The following TEX11 variants were observed in gnomAD, a reference collection of about 807,000 sequenced individuals.
The protein encoded by TEX11 is testis-expressed protein 11.
TEX11 carries 7 observed loss-of-function variants against 84.4 expected under a neutral mutation model. The observed-to-expected ratio is 0.08, with a 90% CI of 0.05 to 0.16. The LOEUF is 0.16. TEX11 is among the 10% of genes least tolerant of loss of function. The pLI, the probability that TEX11 is intolerant of heterozygous loss-of-function variation, is 1.00. For missense variants in TEX11, 551 were observed against 660.5 expected (o/e 0.83, Z 1.82); for synonymous variants, 264 against 222.8 (o/e 1.18, Z -1.64).
At chrX:70,869,462 G>T (rs950841403) in intron 4 of TEX11, among the ~76,000 whole-genome samples, 1 of 111,534 alleles carries the variant, frequency 9.0e-6, no homozygotes, top group African/African-American at 3.3e-5. Context: ...AATCTGTTTT[G>T]CATCCTTACC....
chrX:70,684,992 C>A (rs1486700396), intron 13 of TEX11, among the ~76,000 whole-genome samples: 6 of 111,632 alleles, frequency 5.4e-5, no homozygotes, highest in South Asian at 3.8e-4. Flanking sequence ...CAGAAAAAAA[C>A]CCCAAAAAAC....
chrX:70,709,798 C>T (rs986363741), intron 13 of TEX11, among the ~76,000 whole-genome samples: 1 of 110,985 alleles, frequency 9.0e-6, no homozygotes, highest in Non-Finnish European at 1.9e-5. Flanking sequence ...AGATGCAAGG[C>T]TTTCTGGTCT....
intron 2 of TEX11, among the ~76,000 whole-genome samples, chrX:70,897,805 C>T (rs2091781749): frequency 9.0e-6 from 1 of 111,530 alleles, no homozygotes. Context: ...CTTTGTTAAG[C>T]ACCAAAGATA....
In TEX11 at chrX:70,553,501, T is replaced by C. The variant is rs2088247113; in HGVS notation, c.2291-87A>G. ...CCAGGCTACCACTTGCTTTCTCTAATGAAACTGGGCTGAAACAGATGAACA... is the reference window on the plus strand; with the variant it reads ...CCAGGCTACCACTTGCTTTCTCTAACGAAACTGGGCTGAAACAGATGAACA... On this transcript the variant is annotated intron_variant, in intron 26 of 29. Coordinates refer to ENST00000374333, the MANE Select transcript of TEX11 (RefSeq NM_031276.3). 7.4e-6 allele frequency: 4 copies of C among 537,390 alleles called. No individual in the cohort carries two copies. In the East Asian group the frequency reaches 1.5e-4, roughly 20 times the overall value. The allele number at this position is 537,390 out of a possible 1,213,427, so 44.3% of individuals were successfully genotyped here. A position where few individuals can be genotyped will look rare whatever the true frequency, so the allele number is the denominator to read the frequency against.
intron 9 of TEX11, among the ~76,000 whole-genome samples, chrX:70,762,571 T>C (rs1057362308): frequency 1.8e-5 from 2 of 110,311 alleles, no homozygotes; most frequent in African/African-American, 6.6e-5. Context: ...ATGCAAGGGA[T>C]CTAGGCTGCA....
chrX:70,758,052 T>G (rs1319951455), intron 9 of TEX11, among the ~76,000 whole-genome samples: 2 of 111,399 alleles, frequency 1.8e-5, no homozygotes, highest in African/African-American at 6.5e-5. Context: ...GGTAAAAGGA[T>G]CAGTTCAACA....
At chrX:70,671,728 G>T (rs934096143) in intron 15 of TEX11, among the ~76,000 whole-genome samples, 1 of 107,334 alleles carries the variant, frequency 9.3e-6, no homozygotes, top group Non-Finnish European at 1.9e-5. Flanking sequence ...CCTTCTCTTG[G>T]GTCTAATTCT....
chrX:70,645,234 A>T (rs2089726760), intron 17 of TEX11, among the ~76,000 whole-genome samples: 1 of 110,809 alleles, frequency 9.0e-6, no homozygotes, highest in Non-Finnish European at 1.9e-5. Context: ...AATCCTTCTC[A>T]AATTCTTCCA....
intron 2 of TEX11, among the ~76,000 whole-genome samples, chrX:70,900,527 C>T (rs1602224074): frequency 9.1e-6 from 1 of 110,110 alleles, no homozygotes; most frequent in African/African-American, 3.3e-5. Flanking sequence ...GGAAAAACTC[C>T]GAACAACCTA....
At chrX:70,716,746 G>A (rs986910567) in intron 13 of TEX11, among the ~76,000 whole-genome samples, 8 of 111,944 alleles carry the variant, frequency 7.1e-5, no homozygotes, top group Non-Finnish European at 1.3e-4. Context: ...GCCATGCCTC[G>A]CCCTGCTTCA....
intron 13 of TEX11, among the ~76,000 whole-genome samples, chrX:70,708,086 T>G (rs774404970): frequency 9.1e-6 from 1 of 110,257 alleles, no homozygotes; most frequent in Admixed American, 9.7e-5. Context: ...GGTGATTTTT[T>G]AAAAAAATCA....
intron 28 of TEX11, among the ~76,000 whole-genome samples, chrX:70,533,567 A>G (rs2087916198): frequency 9.0e-6 from 1 of 111,467 alleles, no homozygotes; most frequent in Admixed American, 9.6e-5. Flanking sequence ...ATAAGGAGGC[A>G]GTGGTCAATA....
chrX:70,591,835 C>G lies in TEX11; in HGVS notation c.2068-12G>C, dbSNP rs746705104. The G allele has an allele frequency of 1.4e-5, 17 of 1,186,670 alleles. No individual in the cohort carries two copies. The highest frequency in any genetic ancestry group is 1.6e-5 in the Non-Finnish European group (14 of 877,372). ...CTCAGGAACATGGTCTGTTTGGCAACAGTGCAACAAGTTAATTAGTCCCAA... is the reference window on the plus strand; with the variant it reads ...CTCAGGAACATGGTCTGTTTGGCAAGAGTGCAACAAGTTAATTAGTCCCAA... On this transcript the variant is annotated splice_polypyrimidine_tract_variant and intron_variant, in intron 24 of 29. Transcript: ENST00000374333.
chrX:70,629,823 A>T, intron 17 of TEX11, 88 bp from the exon 18 acceptor site: 1 of 691,951 alleles, frequency 1.4e-6, no homozygotes, highest in East Asian at 3.9e-5. Context: ...ATGAATTTGG[A>T]ACTTATTTTA....
At chrX:70,690,083 G>A (rs1164655050) in intron 13 of TEX11, among the ~76,000 whole-genome samples, 1 of 111,535 alleles carries the variant, frequency 9.0e-6, no homozygotes, top group Non-Finnish European at 1.9e-5. Context: ...TCTCAAGACT[G>A]TCAAAATCAT....
chrX:70,657,810 T>C (rs2089884573), intron 16 of TEX11, among the ~76,000 whole-genome samples: 1 of 103,678 alleles, frequency 9.6e-6, no homozygotes, highest in Admixed American at 1.1e-4. Context: ...TCATTCTCAG[T>C]AAACTATCGC....
chrX:70,758,674 C>A (rs1277252510), intron 9 of TEX11, among the ~76,000 whole-genome samples: 1 of 111,875 alleles, frequency 8.9e-6, no homozygotes, highest in African/African-American at 3.3e-5. Context: ...CAAGAAAGAT[C>A]TAAAATTGAC....
intron 17 of TEX11, among the ~76,000 whole-genome samples, chrX:70,638,991 A>C (rs5980985): frequency 0.19 from 21,033 of 108,941 alleles, 1,652 homozygotes; most frequent in African/African-American, 0.21. Context: ...CTGCATTTCC[A>C]TCTGAGGTAC....
intron 25 of TEX11, among the ~76,000 whole-genome samples, chrX:70,576,572 G>T (rs1055665879): frequency 1.7e-4 from 19 of 112,184 alleles, no homozygotes; most frequent in Non-Finnish European, 3.2e-4. Context: ...TGTTAAGTTT[G>T]GTGTGTATCC....
Sources: gnomAD v4.1 joint callset for allele counts (sites outside exome capture counted in the v4.1 genomes callset) on GRCh38, gnomAD v4.1.1 for gene constraint, MANE v1.5 for transcripts, NCBI Gene and HGNC (gene_info 2026-07-23, HGNC 2026-07-21) for gene names.